The following RAPGEF2 variants were observed in gnomAD, a reference collection of about 807,000 sequenced individuals.
RAPGEF2 encodes the protein PDZ domain containing guanine nucleotide exchange factor (GEF) 1.
A neutral mutation model predicts 186.7 loss-of-function variants in RAPGEF2; 54 were observed. The observed-to-expected ratio is 0.29, with a 90% CI of 0.23 to 0.36. RAPGEF2 has a LOEUF of 0.36. Ranked by LOEUF, RAPGEF2 falls within the 10% of genes least tolerant of loss-of-function variation. The pLI, the probability that RAPGEF2 is intolerant of heterozygous loss-of-function variation, is 1.00. For synonymous variants in RAPGEF2, 712 were observed against 705.9 expected, an observed-to-expected ratio of 1.01 and a Z score of -0.14; for missense variants, 1,532 against 2,045.0, an observed-to-expected ratio of 0.75 and a Z score of 4.84.
rs957505069 is a variant in RAPGEF2, at chr4:159,270,856, C to T, written c.543+27065C>T. The stretch of plus-strand genomic sequence containing the variant: ...ATACCCATGTGTCACCAGAAATGCA[C>T]CCAGCACTGGGCTGTGTTTTTATAG... On this transcript the variant is annotated intron_variant, in intron 7 of 29. Coordinates refer to ENST00000691494, the MANE Select transcript of RAPGEF2 (RefSeq NM_001394067.2). Among the ~76,000 whole-genome samples the T allele has an allele frequency of 6.6e-5, 10 of 152,288 alleles. 1 individual carries two copies. Among genetic ancestry groups the T allele is most frequent in the South Asian group, 6.2e-4 (3 of 4,830 alleles).
intron 9 of RAPGEF2, among the ~76,000 whole-genome samples, chr4:159,315,971 T>TTA (rs1306118014): frequency 2.6e-5 from 4 of 152,060 alleles, no homozygotes; most frequent in African/African-American, 9.7e-5. Flanking sequence ...AGCAGAGTCT[T>TTA]CTCTAAACTC....
chr4:159,238,771 A>G (rs1195530365), intron 4 of RAPGEF2, 38 bp from the exon 5 acceptor site: 15 of 1,360,706 alleles, frequency 1.1e-5, no homozygotes, highest in Non-Finnish European at 1.5e-5. Flanking sequence ...TAAATCTCTG[A>G]GGTTCTCCTC....
intron 9 of RAPGEF2, among the ~76,000 whole-genome samples, chr4:159,322,142 A>G (rs187776219): frequency 2.5e-4 from 38 of 152,360 alleles, no homozygotes; most frequent in African/African-American, 7.7e-4. Context: ...CTCTAATTCA[A>G]CAAGTAAGAG....
intron 7 of RAPGEF2, among the ~76,000 whole-genome samples, chr4:159,249,983 T>G (rs1001482826): frequency 6.6e-6 from 1 of 152,310 alleles, no homozygotes; most frequent in African/African-American, 2.4e-5. Context: ...TTAAAATTAC[T>G]CGTATTGGGA....
Position 159,343,385 on chromosome 4 carries a change from G to GC in RAPGEF2, c.3238dup (p.Leu1080ProfsTer20). On this transcript the variant is annotated frameshift_variant, in exon 22 of 30. Coordinates refer to ENST00000691494, the MANE Select transcript of RAPGEF2 (RefSeq NM_001394067.2). LOFTEE classifies it high-confidence loss of function. ...AATGGCTTCAGTGAACATGGACCCT[G>GC]CCCTCATGTTCAGGACTCGGTGAGT... 6.2e-7 allele frequency: 1 copy of GC among 1,614,042 alleles called. No individual in the cohort carries two copies. Among genetic ancestry groups the GC allele is most frequent in the Non-Finnish European group, 8.5e-7 (1 of 1,179,910 alleles).
intron 1 of RAPGEF2, among the ~76,000 whole-genome samples, chr4:159,178,545 A>G (rs1018814771): frequency 2.8e-4 from 31 of 109,710 alleles, no homozygotes; most frequent in Admixed American, 7.5e-4. Context: ...ATTAGCATGT[A>G]TTATGCTTTT....
chr4:159,179,275 G>A (rs982996719), intron 1 of RAPGEF2, among the ~76,000 whole-genome samples: 4 of 152,094 alleles, frequency 2.6e-5, no homozygotes, highest in Admixed American at 2.0e-4. Context: ...GTGCAGTTGG[G>A]AAGGTTAGAA....
At chr4:159,254,171 C>T (rs1755849352) in intron 7 of RAPGEF2, among the ~76,000 whole-genome samples, 1 of 152,068 alleles carries the variant, frequency 6.6e-6, no homozygotes, top group Non-Finnish European at 1.5e-5. Flanking sequence ...CTGGCATTTT[C>T]TTTTTTTGCC....
chr4:159,196,250 G>A (rs927625049), intron 3 of RAPGEF2, among the ~76,000 whole-genome samples: 7 of 151,942 alleles, frequency 4.6e-5, no homozygotes, highest in Admixed American at 3.3e-4. Context: ...GTGTGAGTTC[G>A]GTTTTGAAAA....
Position 159,322,552 on chromosome 4 carries a change from A to AC in RAPGEF2, c.990+73dup, listed in dbSNP as rs1330560382. 21 of 1,366,592 alleles carry AC rather than the reference A, an allele frequency of 1.5e-5. No homozygotes were observed. In the African/African-American group the frequency reaches 2.9e-4, roughly 19 times the overall value. 84.7% of individuals were successfully genotyped at this position (1,366,592 alleles called of 1,614,324 possible). ...TATCTCAATACAGCAATTGAACAAA[A>AC]CCCCAATTCTTACTTTTTCCTTTTT... On this transcript the variant is annotated intron_variant, in intron 10 of 29. Transcript: ENST00000691494.
chr4:159,123,510 G>A (rs538284594), intron 1 of RAPGEF2, among the ~76,000 whole-genome samples: 1 of 150,720 alleles, frequency 6.6e-6, no homozygotes, highest in African/African-American at 2.4e-5. Flanking sequence ...TAAACTGTGT[G>A]TGTCTGTGGG....
At chr4:159,194,065 G>A (rs7683671) in intron 3 of RAPGEF2, among the ~76,000 whole-genome samples, 68,509 of 152,074 alleles carry the variant, frequency 0.45, 16,264 homozygotes, top group African/African-American at 0.6. Flanking sequence ...AGAAGCACAA[G>A]GGAGCGTGTG....
chr4:159,164,960 C>G (rs1745142787), intron 1 of RAPGEF2, among the ~76,000 whole-genome samples: 1 of 152,052 alleles, frequency 6.6e-6, no homozygotes, highest in South Asian at 2.1e-4. Context: ...TGTATTCCTG[C>G]TGAAAATCTT....
intron 1 of RAPGEF2, among the ~76,000 whole-genome samples, chr4:159,124,566 C>T (rs1008199834): frequency 5.3e-5 from 8 of 151,992 alleles, no homozygotes; most frequent in Admixed American, 5.2e-4. Flanking sequence ...AATAAGTCTT[C>T]TGTAATTACA....
intron 1 of RAPGEF2, among the ~76,000 whole-genome samples, chr4:159,152,686 C>T (rs978524779): frequency 7.2e-5 from 11 of 152,118 alleles, no homozygotes; most frequent in African/African-American, 2.4e-4. Flanking sequence ...GGCACAATCT[C>T]GGCTCACTGC....
rs769365251 is a variant in RAPGEF2 at position 159,109,532 on chromosome 4, T to C, written c.69+5301T>C. On this transcript the variant is annotated intron_variant, in intron 1 of 29. Transcript: ENST00000691494. ...ACATTATTTAGTGTAATGCCTAATGTTAGTCCTCTTTATAGCATATTTTAT... is the reference window on the plus strand; with the variant it reads ...ACATTATTTAGTGTAATGCCTAATGCTAGTCCTCTTTATAGCATATTTTAT... Among the ~76,000 whole-genome samples, 17 of 152,362 alleles carry C rather than the reference T, an allele frequency of 1.1e-4. 1 individual carries two copies. The highest frequency in any genetic ancestry group is 1.6e-4 in the Non-Finnish European group (11 of 68,044).
At chr4:159,104,420 CTCTCCTTGACAT>C (rs936278616) in intron 1 of RAPGEF2, among the ~76,000 whole-genome samples, 189 bp downstream of exon 1, 1 of 151,320 alleles carries the variant, frequency 6.6e-6, no homozygotes, top group Non-Finnish European at 1.5e-5. Flanking sequence ...TTATTTTTCC[CTCTCCTTGACAT>C]TCTGCTCCTT....
intron 7 of RAPGEF2, among the ~76,000 whole-genome samples, chr4:159,250,805 C>T (rs1040231719): frequency 4.6e-5 from 7 of 152,040 alleles, no homozygotes; most frequent in East Asian, 3.9e-4. Flanking sequence ...GCCTCGGCCT[C>T]GGCATCCACT....
intron 17 of RAPGEF2, among the ~76,000 whole-genome samples, chr4:159,337,187 G>A (rs1767548374): frequency 6.6e-6 from 1 of 152,176 alleles, no homozygotes; most frequent in Admixed American, 6.5e-5. Flanking sequence ...AGAATTAAAA[G>A]TGAGTCATTG....
Sources: gnomAD v4.1 joint callset for allele counts (sites outside exome capture counted in the v4.1 genomes callset) on GRCh38, gnomAD v4.1.1 for gene constraint, MANE v1.5 for transcripts, NCBI Gene and HGNC (gene_info 2026-07-23, HGNC 2026-07-21) for gene names.